Variants in VSTM1 observed in about 807,000 individuals in gnomAD.
The protein encoded by VSTM1 is V-set and transmembrane domain containing 1, also known as V-set and transmembrane domain-containing protein 1.
Under a neutral mutation model 33.1 loss-of-function variants are expected in VSTM1, and 27 were observed. The observed-to-expected ratio is 0.82, with a 90% CI of 0.60 to 1.12. The LOEUF (loss-of-function observed/expected upper bound fraction) is 1.12, where lower values mean the gene tolerates loss of function less well. Ranked by LOEUF, VSTM1 falls within the 50% of genes most tolerant of loss-of-function variation. The pLI, the probability that VSTM1 is intolerant of heterozygous loss-of-function variation, is 0.00. For missense variants in VSTM1, 304 were observed against 288.9 expected, an observed-to-expected ratio of 1.05 and a Z score of -0.38; for synonymous variants, 115 against 110.3, an observed-to-expected ratio of 1.04 and a Z score of -0.27.
chr19:54,063,067 G>A (rs1051361937), intron 1 of VSTM1, among the ~76,000 whole-genome samples: 20 of 152,202 alleles, frequency 1.3e-4, no homozygotes, highest in Non-Finnish European at 1.5e-5. Context: ...GCCAGGTGTG[G>A]TGGCTCACGC....
Position 54,042,356 on chromosome 19 carries a change from G to A in VSTM1, c.408C>T (p.Ile136=). ...AGATGCAGCTGAAGATGGCGACAAA[G>A]ATGGTTCTGGTGTCTGGAGGGGGAA... The part of the protein sequence containing the change: ...APSMKTDTRT[I]FVAIFSCISI... Residue 136 remains isoleucine (I), a synonymous_variant, in exon 5 of 9, where the codon ATC becomes ATT. Transcript: ENST00000338372. 2 of 1,613,722 alleles carry A rather than the reference G, an allele frequency of 1.2e-6. No individual in the cohort carries two copies. The highest frequency in any genetic ancestry group is 1.7e-6 in the Non-Finnish European group (2 of 1,179,878).
At position 54,049,706 on chromosome 19, in the gene VSTM1, C is replaced by A. The variant is rs908827674; in HGVS notation, c.394+1704G>T. Among the ~76,000 whole-genome samples, 24 of 152,102 alleles carry A rather than the reference C, an allele frequency of 1.6e-4. 1 individual carries two copies. Among genetic ancestry groups the A allele is most frequent in the Admixed American group, 1.5e-3 (23 of 15,254 alleles). Reference sequence around the variant, plus strand: ...AATTGTGTTCGTAGTGCTAGGGTAGCAGACATTTCCCAAGCCTACTATCAT... The same window carrying A: ...AATTGTGTTCGTAGTGCTAGGGTAGAAGACATTTCCCAAGCCTACTATCAT... On this transcript the variant is annotated intron_variant, in intron 4 of 8. Transcript: ENST00000338372.
At chr19:54,052,266 C>T (rs942475499) in intron 3 of VSTM1, among the ~76,000 whole-genome samples, 9 of 149,794 alleles carry the variant, frequency 6.0e-5, no homozygotes, top group East Asian at 4.0e-4. Flanking sequence ...AGCGTGGTGG[C>T]GGGCCCCTGT....
At chr19:54,046,734 C>G (rs1296266809) in intron 4 of VSTM1, among the ~76,000 whole-genome samples, 1 of 152,114 alleles carries the variant, frequency 6.6e-6, no homozygotes, top group African/African-American at 2.4e-5. Context: ...CCGGGACAAA[C>G]TGCCACTGAC....
chr19:54,058,051 T>G (rs759155301), intron 3 of VSTM1, among the ~76,000 whole-genome samples: 2 of 151,698 alleles, frequency 1.3e-5, no homozygotes, highest in Non-Finnish European at 2.9e-5. Flanking sequence ...CCATCCTGGC[T>G]AACATGGCGA....
chr19:54,057,121 G>T (rs1406648801), intron 3 of VSTM1, among the ~76,000 whole-genome samples: 1 of 140,406 alleles, frequency 7.1e-6, no homozygotes, highest in East Asian at 2.1e-4. Context: ...CTCCCAAAGT[G>T]CTGGGATTAC....
intron 1 of VSTM1, among the ~76,000 whole-genome samples, 189 bp from the exon 2 acceptor site, chr19:54,058,921 T>TAC (rs1432770349): frequency 6.8e-6 from 1 of 148,082 alleles, no homozygotes; most frequent in Non-Finnish European, 1.5e-5. Context: ...ATAAATATAA[T>TAC]ATATATATTA....
intron 4 of VSTM1, among the ~76,000 whole-genome samples, chr19:54,050,507 C>T (rs1173112956): frequency 6.6e-6 from 1 of 152,008 alleles, no homozygotes; most frequent in Admixed American, 6.6e-5. Flanking sequence ...AAATTCACCC[C>T]CATTATTCCC....
chr19:54,063,556 C>G (rs1401778211), intron 1 of VSTM1, among the ~76,000 whole-genome samples, 188 bp downstream of exon 1: 1 of 152,120 alleles, frequency 6.6e-6, no homozygotes, highest in East Asian at 1.9e-4. Flanking sequence ...GTCTCTGCAG[C>G]GCGGCCTCCT....
At chr19:54,051,730 C>G (rs1283203500) in intron 3 of VSTM1, among the ~76,000 whole-genome samples, 5 of 152,100 alleles carry the variant, frequency 3.3e-5, no homozygotes, top group Admixed American at 6.6e-5. Flanking sequence ...CCAGTCTTCT[C>G]TATCTTGACA....
intron 1 of VSTM1, among the ~76,000 whole-genome samples, chr19:54,059,579 T>C (rs1351844067): frequency 6.6e-6 from 1 of 151,896 alleles, no homozygotes; most frequent in Non-Finnish European, 1.5e-5. Flanking sequence ...CAAGTGATAC[T>C]CGTACCTCAG....
intron 3 of VSTM1, among the ~76,000 whole-genome samples, chr19:54,057,783 T>G (rs1300314238): frequency 1.4e-5 from 2 of 142,434 alleles, no homozygotes; most frequent in Non-Finnish European, 3.0e-5. Flanking sequence ...TACTCCAGCC[T>G]GGGCAACAGA....
intron 3 of VSTM1, among the ~76,000 whole-genome samples, chr19:54,054,278 T>C (rs539636236): frequency 3.5e-5 from 5 of 141,752 alleles, no homozygotes; most frequent in Non-Finnish European, 4.7e-5. Flanking sequence ...AAATGGCAAA[T>C]AATCGCGAGG....
Position 54,063,825 on chromosome 19 carries a change from C to T in VSTM1, c.-48G>A, listed in dbSNP as rs755450394. 1.9e-6 allele frequency: 3 copies of T among 1,611,242 alleles called. No homozygotes were observed. The highest frequency in any genetic ancestry group is 2.5e-6 in the Non-Finnish European group (3 of 1,178,622). ...AGGCCCCGCCTTGGGTTTTACCCTT[C>T]AAAGGCGGAGCGGGACTGGGCCGGC... On this transcript the variant is annotated 5_prime_UTR_variant, in exon 1 of 9. Transcript: ENST00000338372.
intron 3 of VSTM1, among the ~76,000 whole-genome samples, chr19:54,056,324 C>A (rs533402512): frequency 7.8e-6 from 1 of 128,454 alleles, no homozygotes; most frequent in South Asian, 2.7e-4. Flanking sequence ...GGGGTTCAAG[C>A]AATTCTCGTG....
rs545410365 is a variant in VSTM1 at position 54,063,507 on chromosome 19, C to T, written c.34+237G>A. ...TTAGCGGCTGCAGACTCGGAGACCC[C>T]ACAGCAGCTCTGCCTTTCCCAGCGG... On this transcript the variant is annotated intron_variant, in intron 1 of 8. Transcript: ENST00000338372. Among the ~76,000 whole-genome samples the T allele has an allele frequency of 5.3e-5, 8 of 152,250 alleles. No homozygotes were observed. The South Asian group carries it at 1.2e-3, about 24-fold the overall frequency.
intron 3 of VSTM1, among the ~76,000 whole-genome samples, chr19:54,057,002 C>T (rs2071131607): frequency 7.1e-6 from 1 of 140,190 alleles, no homozygotes; most frequent in Admixed American, 7.3e-5. Flanking sequence ...ATTACAGGCG[C>T]CTGCCACCAC....
intron 1 of VSTM1, among the ~76,000 whole-genome samples, chr19:54,059,013 A>G (rs1286755884): frequency 1.3e-5 from 2 of 148,662 alleles, no homozygotes; most frequent in African/African-American, 4.9e-5. Context: ...ATTGTTTGTC[A>G]TTCAGAAGCT....
In VSTM1 at chr19:54,042,837, T is replaced by TATATATAC. The variant is rs1320221580; in HGVS notation, c.395-469_395-468insGTATATAT. The stretch of plus-strand genomic sequence containing the variant: ...ATATATATATATATATATATATATA[T>TATATATAC]ACATATATATATATATATACACACT... On this transcript the variant is annotated intron_variant, in intron 4 of 8. Coordinates refer to ENST00000338372, the MANE Select transcript of VSTM1 (RefSeq NM_198481.4). Among the ~76,000 whole-genome samples, 162 of 66,392 alleles carry TATATATAC rather than the reference T, an allele frequency of 2.4e-3. 2 individuals carry two copies. Among genetic ancestry groups the TATATATAC allele is most frequent in the South Asian group, 4.4e-3 (11 of 2,492 alleles). 43.6% of individuals were successfully genotyped at this position (66,392 alleles called of 152,430 possible). A position where few individuals can be genotyped will look rare whatever the true frequency, so the allele number is the denominator to read the frequency against.
Sources: gnomAD v4.1 joint callset for allele counts (sites outside exome capture counted in the v4.1 genomes callset) on GRCh38, gnomAD v4.1.1 for gene constraint, MANE v1.5 for transcripts, NCBI Gene and HGNC (gene_info 2026-07-23, HGNC 2026-07-21) for gene names.